ATF6: variants seen among roughly 807,000 people sequenced by gnomAD.
The protein encoded by ATF6 is activating transcription factor 6.
Under a neutral mutation model 83.6 loss-of-function variants are expected in ATF6, and 53 were observed. That is an observed-to-expected ratio of 0.63 (90% CI 0.51 to 0.80). The LOEUF (loss-of-function observed/expected upper bound fraction) is 0.80, where lower values mean the gene tolerates loss of function less well. ATF6 is among the 30% of genes least tolerant of loss of function. The probability of loss-of-function intolerance (pLI) is 0.00; values close to 1 mark genes in which losing one functional copy is unlikely to be tolerated. For missense variants in ATF6, 744 were observed against 797.9 expected (o/e 0.93, Z 0.81); for synonymous variants, 288 against 285.8 (o/e 1.01, Z -0.08).
intron 7 of ATF6, 87 bp from the exon 8 acceptor site, chr1:161,819,546 A>T: frequency 8.9e-7 from 1 of 1,123,392 alleles, no homozygotes; most frequent in Non-Finnish European, 1.2e-6. Context: ...ATTGTTGGTT[A>T]AAATAATTGT....
At chr1:161,933,503 G>C (rs1194172959) in intron 15 of ATF6, among the ~76,000 whole-genome samples, 1 of 152,096 alleles carries the variant, frequency 6.6e-6, no homozygotes, top group Non-Finnish European at 1.5e-5. Context: ...TTGAATTTTA[G>C]TATTGGAAAA....
chr1:161,863,472 T>G (rs1686928409), intron 14 of ATF6, 160 bp downstream of exon 14: 2 of 506,970 alleles, frequency 3.9e-6, no homozygotes, highest in African/African-American at 3.9e-5. Flanking sequence ...ATATATGCTT[T>G]ACTTTGAGCT....
intron 15 of ATF6, among the ~76,000 whole-genome samples, chr1:161,937,661 G>A (rs1688564428): frequency 1.3e-5 from 2 of 149,984 alleles, no homozygotes; most frequent in East Asian, 2.0e-4. Context: ...AACACTGCAT[G>A]TTCTCACTCA....
chr1:161,834,152 A>C (rs1243204577), intron 9 of ATF6, among the ~76,000 whole-genome samples: 1 of 152,194 alleles, frequency 6.6e-6, no homozygotes, highest in Non-Finnish European at 1.5e-5. Context: ...TATCCAGCCA[A>C]ACTAAGCTTC....
chr1:161,890,695 ACAGAGC>A (rs1687532917), intron 14 of ATF6: 1 of 152,300 alleles, frequency 6.6e-6, no homozygotes, highest in African/African-American at 2.4e-5. Flanking sequence ...ACCTCAGCAC[ACAGAGC>A]TTTGGTAGGG....
chr1:161,796,248 A>T (rs941979734), intron 6 of ATF6, among the ~76,000 whole-genome samples: 1 of 152,184 alleles, frequency 6.6e-6, no homozygotes, highest in African/African-American at 2.4e-5. Flanking sequence ...TAGAAATAGG[A>T]TTCTTTCTTA....
rs1463446958 is a variant in ATF6 at position 161,819,624 on chromosome 1, T to G, written c.910-9T>G. Reference sequence around the variant, plus strand: ...CCAGGGTATTCTGATTCATTATAACTTTTTCTAGATTGCTGTGCTAAGGAG... The same window carrying G: ...CCAGGGTATTCTGATTCATTATAACGTTTTCTAGATTGCTGTGCTAAGGAG... On this transcript the variant is annotated splice_polypyrimidine_tract_variant and intron_variant, in intron 7 of 15. Coordinates refer to ENST00000367942, the MANE Select transcript of ATF6 (RefSeq NM_007348.4). 1.3e-6 allele frequency: 2 copies of G among 1,557,220 alleles called. No homozygotes were observed. Among genetic ancestry groups the G allele is most frequent in the African/African-American group, 2.8e-5 (2 of 71,466 alleles).
rs576708988 is a variant in ATF6, at chr1:161,834,049, G to C, written c.1188-12400G>C. Among the ~76,000 whole-genome samples the C allele has an allele frequency of 3.9e-4, 60 of 152,348 alleles. 2 individuals are homozygous for C. In the South Asian group the frequency reaches 0.012, roughly 30 times the overall value. The stretch of plus-strand genomic sequence containing the variant: ...CAAAGGGAAGTCCATCAGACTAACA[G>C]CTGATCTCTAGGCAGAAACTCTGCA... On this transcript the variant is annotated intron_variant, in intron 9 of 15. Transcript: ENST00000367942.
chr1:161,846,482 T>A lies in ATF6; in HGVS notation c.1221T>A (p.Pro407=), dbSNP rs147170108. Residue 407 remains proline, a synonymous_variant, in exon 10 of 16, where the codon CCT becomes CCA. Transcript: ENST00000367942. The part of the protein sequence containing the change: ...MLEQDSRRMN[P]SVSPANQRRH... ...AACAGGATTCCAGGAGAATGAACCC[T>A]AGTGTGAGCCCTGCAAATCAAAGGA... 1.1e-5 allele frequency: 18 copies of A among 1,610,632 alleles called. No homozygotes were observed. The African/African-American group carries it at 1.6e-4, about 14-fold the overall frequency.
At chr1:161,850,603 C>G (rs1446533160) in intron 10 of ATF6, among the ~76,000 whole-genome samples, 2 of 152,136 alleles carry the variant, frequency 1.3e-5, no homozygotes, top group Non-Finnish European at 2.9e-5. Flanking sequence ...TCTTTGGGGA[C>G]AGAAACTTTG....
At chr1:161,896,230 G>A (rs1245671488) in intron 14 of ATF6, among the ~76,000 whole-genome samples, 1 of 152,026 alleles carries the variant, frequency 6.6e-6, no homozygotes, top group African/African-American at 2.4e-5. Context: ...ACCTCAGCCT[G>A]CCAAGTAGCT....
chr1:161,886,912 A>G (rs538534018), intron 14 of ATF6, among the ~76,000 whole-genome samples: 1 of 152,326 alleles, frequency 6.6e-6, no homozygotes, highest in African/African-American at 2.4e-5. Context: ...AGACAGTTCT[A>G]GAGACACTGA....
At chr1:161,906,258 G>T (rs573962159) in intron 14 of ATF6, among the ~76,000 whole-genome samples, 5 of 152,252 alleles carry the variant, frequency 3.3e-5, no homozygotes, top group African/African-American at 1.2e-4. Flanking sequence ...ATCCTGACCT[G>T]GTTTAGAAAC....
At position 161,784,148 on chromosome 1, in the gene ATF6, A is replaced by T. The variant is rs532943193; in HGVS notation, c.354+52A>T. On this transcript the variant is annotated intron_variant, in intron 4 of 15. Coordinates refer to ENST00000367942, the MANE Select transcript of ATF6 (RefSeq NM_007348.4). Reference sequence around the variant, plus strand: ...TTTGGTTATAATATGCTATCTGGAAAATATGTATATGGAGGAGGCAGTTAA... The same window carrying T: ...TTTGGTTATAATATGCTATCTGGAATATATGTATATGGAGGAGGCAGTTAA... The T allele has an allele frequency of 1.4e-5, 17 of 1,249,790 alleles. No homozygotes were observed. In the South Asian group the frequency reaches 1.8e-4, roughly 13 times the overall value. The allele number at this position is 1,249,790 out of a possible 1,614,324, so 77.4% of individuals were successfully genotyped here. A position where few individuals can be genotyped will look rare whatever the true frequency, so the allele number is the denominator to read the frequency against.
chr1:161,856,366 T>C (rs1208729334), intron 12 of ATF6, among the ~76,000 whole-genome samples: 1 of 152,202 alleles, frequency 6.6e-6, no homozygotes, highest in East Asian at 1.9e-4. Flanking sequence ...CAATGTCACA[T>C]GTACCCCAAA....
chr1:161,917,578 G>A (rs1325123463), intron 15 of ATF6, among the ~76,000 whole-genome samples: 1 of 152,032 alleles, frequency 6.6e-6, no homozygotes, highest in East Asian at 1.9e-4. Context: ...CTGCCACCAC[G>A]CCCGGCTAAT....
chr1:161,782,316 AGGGAAGAGCCT>A lies in ATF6; in HGVS notation c.247+321_247+331del, dbSNP rs887947704. On this transcript the variant is annotated intron_variant, in intron 3 of 15. Coordinates refer to ENST00000367942, the MANE Select transcript of ATF6 (RefSeq NM_007348.4). ...AACCAGACAGGGCTTAGGGAATCAA[AGGGAAGAGCCT>A]GGGTTACCAGAACCTAGGAACTTGG... is the stretch of plus-strand genomic sequence containing the variant. Among the ~76,000 whole-genome samples the A allele has an allele frequency of 1.5e-3, 223 of 152,362 alleles. 6 individuals are homozygous for A. Among genetic ancestry groups the A allele is most frequent in the Admixed American group, 0.014 (219 of 15,306 alleles).
intron 4 of ATF6, 80 bp from the exon 5 acceptor site, chr1:161,791,328 A>T: frequency 7.9e-7 from 1 of 1,265,526 alleles, no homozygotes; most frequent in Non-Finnish European, 1.1e-6. Context: ...TTTTCTGTTT[A>T]TATGTGGGTC....
At chr1:161,788,850 C>G (rs949741198) in intron 4 of ATF6, among the ~76,000 whole-genome samples, 2 of 152,058 alleles carry the variant, frequency 1.3e-5, no homozygotes, top group Non-Finnish European at 2.9e-5. Flanking sequence ...TTGTATATCT[C>G]TCTGTTTACT....
Sources: gnomAD v4.1 joint callset for allele counts (sites outside exome capture counted in the v4.1 genomes callset) on GRCh38, gnomAD v4.1.1 for gene constraint, MANE v1.5 for transcripts, NCBI Gene and HGNC (gene_info 2026-07-23, HGNC 2026-07-21) for gene names.